ABTB2: variants seen among roughly 807,000 people sequenced by gnomAD.
ABTB2 encodes the protein ankyrin repeat and BTB/POZ domain-containing protein 2.
A neutral mutation model predicts 104.1 loss-of-function variants in ABTB2; 56 were observed. The observed-to-expected ratio is 0.54, with a 90% CI of 0.43 to 0.67. ABTB2 has a LOEUF of 0.67. ABTB2 is among the 30% of genes least tolerant of loss of function. The pLI, the probability that ABTB2 is intolerant of heterozygous loss-of-function variation, is 0.00. For missense variants in ABTB2, 1,279 were observed against 1,407.7 expected, an observed-to-expected ratio of 0.91 and a Z score of 1.46; for synonymous variants, 606 against 608.2, an observed-to-expected ratio of 1.00 and a Z score of 0.05.
Position 34,152,663 on chromosome 11 carries a change from C to T in ABTB2, c.2881-79G>A, listed in dbSNP as rs114735728. 1.6e-3 allele frequency: 2,198 copies of T among 1,375,542 alleles called. 24 individuals are homozygous for T. In the African/African-American group the frequency reaches 0.021, roughly 13 times the overall value. 85.2% of individuals were successfully genotyped at this position (1,375,542 alleles called of 1,614,324 possible). On this transcript the variant is annotated intron_variant, in intron 16 of 16. Coordinates refer to ENST00000435224, the MANE Select transcript of ABTB2 (RefSeq NM_145804.3). ...CACCCTCACCCCCAAATACTACCTACCCATGGCCACAGCCCTGATTAAGCC... is the reference window on the plus strand; with the variant it reads ...CACCCTCACCCCCAAATACTACCTATCCATGGCCACAGCCCTGATTAAGCC...
At chr11:34,314,812 T>C (rs927300902) in intron 1 of ABTB2, among the ~76,000 whole-genome samples, 1 of 152,206 alleles carries the variant, frequency 6.6e-6, no homozygotes, top group East Asian at 1.9e-4. Context: ...TAGCTGATCA[T>C]TAAGCCAAGT....
At chr11:34,293,596 A>ATT (rs1424883618) in intron 1 of ABTB2, among the ~76,000 whole-genome samples, 1 of 152,146 alleles carries the variant, frequency 6.6e-6, no homozygotes, top group Non-Finnish European at 1.5e-5. Flanking sequence ...CCGGGAAGGA[A>ATT]TAAGTGCCCA....
chr11:34,203,199 G>A (rs1284848822), intron 2 of ABTB2, among the ~76,000 whole-genome samples: 1 of 152,200 alleles, frequency 6.6e-6, no homozygotes, highest in African/African-American at 2.4e-5. Context: ...GCTCTGATCC[G>A]TGTGACTTGG....
chr11:34,164,414 A>G (rs551178132), intron 9 of ABTB2, among the ~76,000 whole-genome samples: 1 of 152,318 alleles, frequency 6.6e-6, no homozygotes, highest in East Asian at 1.9e-4. Context: ...GCAGAGTGGC[A>G]TCTCACTGGG....
Position 34,197,453 on chromosome 11 carries a change from C to G in ABTB2, c.1116G>C (p.Gln372His). 6.3e-7 allele frequency: 1 copy of G among 1,591,196 alleles called. No homozygotes were observed. The highest frequency in any genetic ancestry group is 8.6e-7 in the Non-Finnish European group (1 of 1,168,172). ...GGGACCAAGTGATGGGCTGTGGCGG[C>G]TGGCGGGCCTGGCGGGCAGGGCTGG... ...PGASPARQAR[Q>H]PPQPITWSPD... is the part of the protein sequence containing the mutation. Residue 372 changes from glutamine (Q) to histidine (H), a missense_variant, in exon 3 of 17, where the codon CAG becomes CAC. Gln to His is a conservative substitution (Grantham distance 24). Transcript: ENST00000435224.
chr11:34,256,582 G>A (rs11825293), intron 1 of ABTB2, among the ~76,000 whole-genome samples: 140 of 152,254 alleles, frequency 9.2e-4, no homozygotes, highest in African/African-American at 3.2e-3. Flanking sequence ...AAGAAGCCAG[G>A]GTTGGGGGAG....
chr11:34,173,157 G>T lies in ABTB2; in HGVS notation c.1395C>A (p.Leu465=). 1 of 1,613,704 alleles carries T rather than the reference G, an allele frequency of 6.2e-7. No homozygotes were observed. Among genetic ancestry groups the T allele is most frequent in the South Asian group, 1.1e-5 (1 of 91,030 alleles). Residue 465 remains leucine, a splice_region_variant and synonymous_variant, in exon 4 of 17, where the codon CTC becomes CTA. Coordinates refer to ENST00000435224, the MANE Select transcript of ABTB2 (RefSeq NM_145804.3). ...CCTCCCTCCTCCCTGGTTCATACTTGAGCTGCCGAGGTTCACAGTCCAGAC... is the reference window on the plus strand; with the variant it reads ...CCTCCCTCCTCCCTGGTTCATACTTTAGCTGCCGAGGTTCACAGTCCAGAC... ...LPGLDCEPRQ[L]KPEHCFSSFR...
chr11:34,308,307 A>G (rs1386566671), intron 1 of ABTB2, among the ~76,000 whole-genome samples: 2 of 152,256 alleles, frequency 1.3e-5, no homozygotes, highest in African/African-American at 4.8e-5. Context: ...ACTGACTGAA[A>G]GAAGATGGCT....
intron 9 of ABTB2, among the ~76,000 whole-genome samples, chr11:34,164,000 G>A (rs1033143409): frequency 6.6e-6 from 1 of 152,160 alleles, no homozygotes; most frequent in African/African-American, 2.4e-5. Context: ...GGAGACAGCT[G>A]GAGAGAAAAG....
At chr11:34,229,120 G>C (rs1172492183) in intron 1 of ABTB2, among the ~76,000 whole-genome samples, 1 of 17,414 alleles carries the variant, frequency 5.7e-5, no homozygotes, top group African/African-American at 1.2e-4. Flanking sequence ...ACTCCGTCTT[G>C]GAAAAAAAAA....
chr11:34,281,563 G>A (rs1854449745), intron 1 of ABTB2, among the ~76,000 whole-genome samples: 1 of 152,152 alleles, frequency 6.6e-6, no homozygotes, highest in Non-Finnish European at 1.5e-5. Context: ...GCCCTTCGGG[G>A]ACTCCCGCTG....
chr11:34,289,927 T>C (rs1208686811), intron 1 of ABTB2, among the ~76,000 whole-genome samples: 2 of 152,230 alleles, frequency 1.3e-5, no homozygotes, highest in Non-Finnish European at 2.9e-5. Context: ...AGGTTTATAT[T>C]TGAGTAACTT....
At chr11:34,251,315 A>G (rs1241611273) in intron 1 of ABTB2, among the ~76,000 whole-genome samples, 2 of 152,218 alleles carry the variant, frequency 1.3e-5, no homozygotes, top group East Asian at 3.8e-4. Flanking sequence ...GCCTGCTCAG[A>G]CAGCGCTGAC....
chr11:34,280,335 T>C (rs1854435644), intron 1 of ABTB2, among the ~76,000 whole-genome samples: 1 of 152,130 alleles, frequency 6.6e-6, no homozygotes, highest in Admixed American at 6.5e-5. Flanking sequence ...ATGGCTCTGC[T>C]ACCAGCCTGC....
chr11:34,175,881 C>T (rs1026521619), intron 3 of ABTB2, among the ~76,000 whole-genome samples: 5 of 152,200 alleles, frequency 3.3e-5, no homozygotes, highest in South Asian at 2.1e-4. Flanking sequence ...TGCATGAGAA[C>T]GAACAGCTCT....
chr11:34,291,188 C>T (rs1161187319), intron 1 of ABTB2, among the ~76,000 whole-genome samples: 2 of 152,222 alleles, frequency 1.3e-5, no homozygotes, highest in East Asian at 3.8e-4. Context: ...TCATAACAGC[C>T]TGATAACTTT....
intron 2 of ABTB2, among the ~76,000 whole-genome samples, chr11:34,203,007 G>A (rs73489718): frequency 0.024 from 3,637 of 152,238 alleles, 155 homozygotes; most frequent in African/African-American, 0.082. Context: ...TTACCTAGGG[G>A]AGGCCTCTAA....
chr11:34,167,764 C>G (rs1852820721), intron 6 of ABTB2, 139 bp downstream of exon 6: 3 of 902,782 alleles, frequency 3.3e-6, no homozygotes, highest in Admixed American at 4.1e-5. Context: ...ACAGTGGCCT[C>G]TGTGCATCTT....
intron 1 of ABTB2, among the ~76,000 whole-genome samples, chr11:34,258,978 T>C (rs1345063160): frequency 6.6e-6 from 1 of 150,938 alleles, no homozygotes; most frequent in Non-Finnish European, 1.5e-5. Flanking sequence ...TATATTTATA[T>C]ACCTGGTTGT....
Sources: gnomAD v4.1 joint callset for allele counts (sites outside exome capture counted in the v4.1 genomes callset) on GRCh38, gnomAD v4.1.1 for gene constraint, MANE v1.5 for transcripts, NCBI Gene and HGNC (gene_info 2026-07-23, HGNC 2026-07-21) for gene names.